XPR1: variants seen among roughly 807,000 people sequenced by gnomAD.
The protein encoded by XPR1 is xenotropic and polytropic retrovirus receptor 1.
In XPR1, 28 loss-of-function variants were observed where a neutral mutation model predicts 87.5. The ratio of observed to expected loss-of-function variants is 0.32; its 90% CI spans 0.24 to 0.44. The LOEUF is 0.44. Among genes scored for constraint, XPR1 ranks in the 20% least tolerant of loss-of-function variants. XPR1 has a pLI of 1.00. For missense variants in XPR1, 559 were observed against 862.3 expected (o/e 0.65, Z 4.41); for synonymous variants, 300 against 306.1 (o/e 0.98, Z 0.21).
chr1:180,736,309 T>C (rs942363192), intron 2 of XPR1, among the ~76,000 whole-genome samples: 1 of 152,190 alleles, frequency 6.6e-6, no homozygotes, highest in African/African-American at 2.4e-5. Flanking sequence ...GAGGACATTC[T>C]CCTCATTTTT....
chr1:180,853,399 T>G (rs1651929977), intron 11 of XPR1, among the ~76,000 whole-genome samples: 2 of 152,164 alleles, frequency 1.3e-5, no homozygotes, highest in South Asian at 2.1e-4. Flanking sequence ...TCTATTTGGT[T>G]CTTCTTTGTG....
In XPR1 at chr1:180,674,116, T is replaced by A. The variant is rs190358736; in HGVS notation, c.70-8244T>A. 3.9e-5 allele frequency among the ~76,000 whole-genome samples: 6 copies of A among 152,364 alleles called. No individual in the cohort carries two copies. In the East Asian group the frequency reaches 1.2e-3, roughly 29 times the overall value. On this transcript the variant is annotated intron_variant, in intron 1 of 14. Coordinates refer to ENST00000367590, the MANE Select transcript of XPR1 (RefSeq NM_004736.4). ...TATGATCATGAATCAAACTTAATATTGTTTTAAGAGTTTTTATGATAGTCC... is the reference window on the plus strand; with the variant it reads ...TATGATCATGAATCAAACTTAATATAGTTTTAAGAGTTTTTATGATAGTCC...
At chr1:180,710,848 C>T (rs913864362) in intron 2 of XPR1, among the ~76,000 whole-genome samples, 9 of 151,010 alleles carry the variant, frequency 6.0e-5, no homozygotes, top group African/African-American at 1.9e-4. Context: ...ACCTCCCTCC[C>T]GAACGGGGCA....
intron 2 of XPR1, among the ~76,000 whole-genome samples, chr1:180,697,273 A>G (rs1657202478): frequency 6.6e-6 from 1 of 152,022 alleles, no homozygotes; most frequent in Non-Finnish European, 1.5e-5. Context: ...TTTGTTCATA[A>G]TAGTGTCTAA....
intron 2 of XPR1, among the ~76,000 whole-genome samples, chr1:180,783,742 G>T (rs559664475): frequency 6.6e-6 from 1 of 151,856 alleles, no homozygotes; most frequent in Non-Finnish European, 1.5e-5. Context: ...ACATCAGTTT[G>T]TTTCTTTTTC....
intron 2 of XPR1, among the ~76,000 whole-genome samples, chr1:180,730,071 T>G (rs965422648): frequency 1.3e-5 from 2 of 152,218 alleles, no homozygotes; most frequent in Non-Finnish European, 2.9e-5. Flanking sequence ...TTATATATGG[T>G]GTTAGGAAGG....
chr1:180,811,890 G>A (rs1451960607), intron 7 of XPR1, among the ~76,000 whole-genome samples: 2 of 152,080 alleles, frequency 1.3e-5, no homozygotes, highest in African/African-American at 2.4e-5. Flanking sequence ...ATCCTTTTCA[G>A]AATCTATTTA....
intron 2 of XPR1, among the ~76,000 whole-genome samples, chr1:180,714,021 A>G (rs1363607109): frequency 9.6e-6 from 1 of 103,756 alleles, no homozygotes; most frequent in African/African-American, 3.9e-5. Flanking sequence ...TCATGGGAAG[A>G]TTTTAATAGG....
rs571344890 is a variant in XPR1 at position 180,644,107 on chromosome 1, C to T, written c.69+11837C>T. ...TGGGTGGCAAATTACTAATTTACAACGAGAAATGTACCTAATGTTCACATT... is the reference window on the plus strand; with the variant it reads ...TGGGTGGCAAATTACTAATTTACAATGAGAAATGTACCTAATGTTCACATT... On this transcript the variant is annotated intron_variant, in intron 1 of 14. Transcript: ENST00000367590. Among the ~76,000 whole-genome samples the T allele has an allele frequency of 8.5e-5, 13 of 152,198 alleles. 1 individual carries two copies. The highest frequency in any genetic ancestry group is 3.9e-4 in the East Asian group (2 of 5,188).
chr1:180,823,553 A>C (rs768965692), intron 7 of XPR1, among the ~76,000 whole-genome samples: 8 of 152,236 alleles, frequency 5.3e-5, no homozygotes, highest in Admixed American at 2.6e-4. Flanking sequence ...TCAAGAGTTA[A>C]TATTTTAGGG....
chr1:180,685,897 A>G (rs987195616), intron 2 of XPR1, among the ~76,000 whole-genome samples: 2 of 151,704 alleles, frequency 1.3e-5, no homozygotes, highest in African/African-American at 4.8e-5. Context: ...TATTAGTCTT[A>G]CTAGTGGTCT....
chr1:180,848,956 C>T (rs1571892778), intron 11 of XPR1, among the ~76,000 whole-genome samples: 1 of 152,168 alleles, frequency 6.6e-6, no homozygotes, highest in East Asian at 1.9e-4. Context: ...GCCATGTGGT[C>T]AGCTCTGTAG....
chr1:180,873,661 A>G (rs2102218876), intron 12 of XPR1, 142 bp from the exon 13 acceptor site: 3 of 934,966 alleles, frequency 3.2e-6, no homozygotes, highest in Non-Finnish European at 3.1e-6. Flanking sequence ...CTTCCCTGCA[A>G]AATAAAGTAC....
At chr1:180,659,837 G>A (rs1056635134) in intron 1 of XPR1, among the ~76,000 whole-genome samples, 9 of 151,866 alleles carry the variant, frequency 5.9e-5, no homozygotes, top group Admixed American at 5.9e-4. Flanking sequence ...TTTTTGATGG[G>A]GTCTTTTTCT....
At chr1:180,735,530 AT>A (rs1658699973) in intron 2 of XPR1, among the ~76,000 whole-genome samples, 1 of 152,148 alleles carries the variant, frequency 6.6e-6, no homozygotes, top group Non-Finnish European at 1.5e-5. Context: ...GAAGTATTTG[AT>A]TTGTGTACAA....
chr1:180,884,735 A>G lies in XPR1; in HGVS notation c.*669A>G, dbSNP rs1223868440. On this transcript the variant is annotated 3_prime_UTR_variant, in exon 15 of 15. Coordinates refer to ENST00000367590, the MANE Select transcript of XPR1 (RefSeq NM_004736.4). ...TACAGAATGATATAACTCCTGTGCA[A>G]TGAAGGTGATAACAGTAAAAGAAGG... The G allele has an allele frequency of 6.6e-6, 1 of 152,640 alleles. No individual in the cohort carries two copies. The highest frequency in any genetic ancestry group is 2.4e-5 in the African/African-American group (1 of 41,444). The allele number at this position is 152,640 out of a possible 1,614,324, so 9.5% of individuals were successfully genotyped here. A position where few individuals can be genotyped will look rare whatever the true frequency, so the allele number is the denominator to read the frequency against.
intron 1 of XPR1, among the ~76,000 whole-genome samples, chr1:180,656,444 A>ATATTTAT (rs71121042): frequency 2.3e-3 from 2 of 858 alleles, no homozygotes; most frequent in Non-Finnish European, 6.8e-3. Context: ...TTTATATATA[A>ATATTTAT]ATATTTATAT....
chr1:180,841,384 T>TC (rs1553253119), intron 11 of XPR1, among the ~76,000 whole-genome samples: 20 of 152,126 alleles, frequency 1.3e-4, no homozygotes, highest in Non-Finnish European at 2.8e-4. Context: ...TTTTTTTTTT[T>TC]CCAGACAAAG....
chr1:180,716,829 T>G (rs940132105), intron 2 of XPR1, among the ~76,000 whole-genome samples: 1 of 152,236 alleles, frequency 6.6e-6, no homozygotes, highest in Non-Finnish European at 1.5e-5. Flanking sequence ...TATTCAGTTT[T>G]CTGTTTGTTT....
Sources: allele counts gnomAD v4.1 joint callset (sites outside exome capture counted in the v4.1 genomes callset), GRCh38; gene constraint gnomAD v4.1.1; transcripts MANE v1.5; gene names NCBI Gene and HGNC (gene_info 2026-07-23, HGNC 2026-07-21).